LMO1: variants seen among roughly 807,000 people sequenced by gnomAD.
LMO1 encodes LIM domain only 1.
In LMO1, 10 loss-of-function variants were observed where a neutral mutation model predicts 18.0. The ratio of observed to expected loss-of-function variants is 0.55; its 90% CI spans 0.34 to 0.94. The LOEUF is 0.94. LMO1 is among the 40% of genes least tolerant of loss of function. The pLI is 0.02. For synonymous variants in LMO1, 77 were observed against 77.9 expected, an observed-to-expected ratio of 0.99 and a Z score of 0.06; for missense variants, 183 against 205.7, an observed-to-expected ratio of 0.89 and a Z score of 0.68.
intron 1 of LMO1, among the ~76,000 whole-genome samples, chr11:8,231,190 C>T (rs1178033854): frequency 2.0e-5 from 3 of 152,198 alleles, no homozygotes; most frequent in Non-Finnish European, 2.9e-5. Flanking sequence ...GGCTCTGAGC[C>T]TCTGGATCCT....
chr11:8,268,248 G>A (rs1028811053), upstream of LMO1, among the ~76,000 whole-genome samples: 2 of 152,194 alleles, frequency 1.3e-5, no homozygotes, highest in African/African-American at 4.8e-5. Context: ...GCCGACCCCG[G>A]CACCGGCGCA....
chr11:8,224,796 G>T, intron 3 of LMO1, 75 bp from the exon 4 acceptor site: 1 of 953,206 alleles, frequency 1.0e-6, no homozygotes, highest in East Asian at 2.6e-5. Context: ...GACAGAAGCC[G>T]GCCTGGCCTA....
intron 1 of LMO1, among the ~76,000 whole-genome samples, chr11:8,232,122 T>C (rs1267814432): frequency 6.6e-6 from 1 of 152,104 alleles, no homozygotes; most frequent in African/African-American, 2.4e-5. Flanking sequence ...TCTGGGGAGC[T>C]GGCGCCCACC....
chr11:8,254,968 T>C (rs181006526), intron 1 of LMO1, among the ~76,000 whole-genome samples: 4 of 152,332 alleles, frequency 2.6e-5, no homozygotes. Context: ...AAGGTTCTTA[T>C]GGGTATTAAA....
At chr11:8,261,289 T>C (rs1248480189) in intron 1 of LMO1, among the ~76,000 whole-genome samples, 1 of 152,180 alleles carries the variant, frequency 6.6e-6, no homozygotes, top group Non-Finnish European at 1.5e-5. Flanking sequence ...TCCACAGATC[T>C]AGCAGAAACC....
chr11:8,228,243 G>C (rs746579169), intron 2 of LMO1, among the ~76,000 whole-genome samples: 12 of 152,228 alleles, frequency 7.9e-5, no homozygotes, highest in Non-Finnish European at 1.0e-4. Context: ...ATGCAGGCCA[G>C]CCCTTGGCTG....
chr11:8,260,439 A>C (rs555424561), intron 1 of LMO1, among the ~76,000 whole-genome samples: 1 of 152,282 alleles, frequency 6.6e-6, no homozygotes, highest in African/African-American at 2.4e-5. Flanking sequence ...GGCCAAGAGC[A>C]AGCATCCAAA....
intron 1 of LMO1, among the ~76,000 whole-genome samples, chr11:8,246,803 G>C (rs949569724): frequency 6.6e-6 from 1 of 151,922 alleles, no homozygotes; most frequent in African/African-American, 2.4e-5. Context: ...CATAGCGGGG[G>C]AAATAACCTG....
chr11:8,230,194 C>G (rs1253199023), intron 2 of LMO1, 97 bp downstream of exon 2: 1 of 1,066,536 alleles, frequency 9.4e-7, no homozygotes, highest in African/African-American at 1.5e-5. Context: ...ACACAGGGTA[C>G]TGGGTCTAGG....
intron 1 of LMO1, among the ~76,000 whole-genome samples, chr11:8,236,798 A>C (rs1047376666): frequency 6.6e-6 from 1 of 152,198 alleles, no homozygotes; most frequent in Non-Finnish European, 1.5e-5. Context: ...GCTGGCATAC[A>C]GTAGGTGCTC....
chr11:8,249,951 A>G (rs1221865203), intron 1 of LMO1, among the ~76,000 whole-genome samples: 1 of 152,252 alleles, frequency 6.6e-6, no homozygotes, highest in African/African-American at 2.4e-5. Context: ...TTTTTCATCA[A>G]GAAAGTAACT....
chr11:8,232,569 A>C (rs1316924286), intron 1 of LMO1, among the ~76,000 whole-genome samples: 1 of 152,190 alleles, frequency 6.6e-6, no homozygotes, highest in Non-Finnish European at 1.5e-5. Context: ...GGGAGCATGC[A>C]GCCAGCAGAG....
intron 1 of LMO1, among the ~76,000 whole-genome samples, chr11:8,248,390 G>C (rs1846931401): frequency 6.6e-6 from 1 of 152,206 alleles, no homozygotes; most frequent in Non-Finnish European, 1.5e-5. Flanking sequence ...CATGGAGTGG[G>C]CTGGTGGGTC....
intron 1 of LMO1, among the ~76,000 whole-genome samples, chr11:8,255,530 C>T (rs1847076605): frequency 6.6e-6 from 1 of 152,134 alleles, no homozygotes; most frequent in African/African-American, 2.4e-5. Context: ...TGCTTCCACA[C>T]CTTCCGGACC....
intron 1 of LMO1, among the ~76,000 whole-genome samples, chr11:8,256,735 G>A (rs1241422709): frequency 6.6e-6 from 1 of 152,238 alleles, no homozygotes; most frequent in African/African-American, 2.4e-5. Context: ...AACTAAAGGA[G>A]AAAGGGCATG....
At chr11:8,263,197 C>T in intron 1 of LMO1, 141 bp downstream of exon 1, 1 of 721,286 alleles carries the variant, frequency 1.4e-6, no homozygotes, top group Non-Finnish European at 2.0e-6. Flanking sequence ...CCGCCCCAGC[C>T]CCGGCCCCCA....
At chr11:8,265,696 C>A (rs898764391), upstream of LMO1, among the ~76,000 whole-genome samples, 2 of 152,192 alleles carry the variant, frequency 1.3e-5, no homozygotes. Context: ...CCGCTGCCAC[C>A]GGCATATTTG....
intron 1 of LMO1, among the ~76,000 whole-genome samples, chr11:8,251,968 GGGGGTGTGCGTGTGT>G (rs1847007402): frequency 8.3e-6 from 1 of 120,990 alleles, no homozygotes; most frequent in South Asian, 2.5e-4. Context: ...GTTTGTGTGT[GGGGGTGTGCGTGTGT>G]GGGGGTGTGC....
In LMO1 at chr11:8,224,779, G is replaced by T. The variant is rs34544683; in HGVS notation, c.366-58C>A. ...GGAAGGTCCCAGTGGGTAAGGGGGGGGCTGCAGACAGAAGCCGGCCTGGCC... is the reference window on the plus strand; with the variant it reads ...GGAAGGTCCCAGTGGGTAAGGGGGGTGCTGCAGACAGAAGCCGGCCTGGCC... On this transcript the variant is annotated intron_variant, in intron 3 of 3. Coordinates refer to ENST00000335790, the MANE Select transcript of LMO1 (RefSeq NM_002315.3). The T allele has an allele frequency of 2.4e-4, 272 of 1,153,106 alleles. 1 individual carries two copies. Among genetic ancestry groups the T allele is most frequent in the Middle Eastern group, 5.8e-4 (3 of 5,170 alleles). The allele number at this position is 1,153,106 out of a possible 1,614,324, so 71.4% of individuals were successfully genotyped here.
Sources: allele counts gnomAD v4.1 joint callset (sites outside exome capture counted in the v4.1 genomes callset), GRCh38; gene constraint gnomAD v4.1.1; transcripts MANE v1.5; gene names NCBI Gene and HGNC (gene_info 2026-07-23, HGNC 2026-07-21).